MIPOL1: variants seen among roughly 807,000 people sequenced by gnomAD.
The protein encoded by MIPOL1 is mirror-image polydactyly gene 1 protein.
MIPOL1 carries 57 observed loss-of-function variants against 60.9 expected under a neutral mutation model. The ratio of observed to expected loss-of-function variants is 0.94; its 90% CI spans 0.76 to 1.17. The LOEUF (loss-of-function observed/expected upper bound fraction) is 1.17. Ranked by LOEUF, MIPOL1 falls within the 50% of genes most tolerant of loss-of-function variation. The pLI, the probability that MIPOL1 is intolerant of heterozygous loss-of-function variation, is 0.00. For missense variants in MIPOL1, 551 were observed against 511.6 expected (o/e 1.08, Z -0.74); for synonymous variants, 179 against 168.8 (o/e 1.06, Z -0.47).
chr14:37,259,045 A>G (rs530698839), intron 3 of MIPOL1, among the ~76,000 whole-genome samples: 1 of 152,270 alleles, frequency 6.6e-6, no homozygotes, highest in South Asian at 2.1e-4. Flanking sequence ...GTTTATCTAA[A>G]TATAACCATG....
intron 1 of MIPOL1, chr14:37,227,739 G>T (rs1316308686): frequency 6.6e-6 from 1 of 152,176 alleles, no homozygotes; most frequent in African/African-American, 2.4e-5. Context: ...TTGGCTTAGA[G>T]ATTAAAGCTC....
chr14:37,546,974 GA>G lies in MIPOL1; in HGVS notation c.*11del. Reference sequence around the variant, plus strand: ...GGACCATGAGGACAGTGATCTGATTGAAAAAAAACGACAGTCTGGGGAAGCG... The same window carrying G: ...GGACCATGAGGACAGTGATCTGATTGAAAAAAACGACAGTCTGGGGAAGCG... On this transcript the variant is annotated 3_prime_UTR_variant, in exon 13 of 13. Coordinates refer to ENST00000684589, the MANE Select transcript of MIPOL1 (RefSeq NM_001388067.1). 5.4e-6 allele frequency: 8 copies of G among 1,480,500 alleles called. No individual in the cohort carries two copies. The highest frequency in any genetic ancestry group is 7.4e-6 in the Non-Finnish European group (8 of 1,082,756). The allele number at this position is 1,480,500 out of a possible 1,614,324, so 91.7% of individuals were successfully genotyped here.
intron 6 of MIPOL1, among the ~76,000 whole-genome samples, chr14:37,272,844 A>G (rs1357652815): frequency 6.6e-6 from 1 of 151,594 alleles, no homozygotes; most frequent in East Asian, 1.9e-4. Flanking sequence ...AGATCAAACC[A>G]TTTCACAATA....
chr14:37,264,485 TG>T (rs2153382359), intron 3 of MIPOL1, among the ~76,000 whole-genome samples: 2 of 150,594 alleles, frequency 1.3e-5, no homozygotes, highest in Non-Finnish European at 3.0e-5. Context: ...TAGTGAGGCA[TG>T]GCAACACAGC....
chr14:37,533,533 T>C (rs1251979033), intron 12 of MIPOL1, among the ~76,000 whole-genome samples: 1 of 152,216 alleles, frequency 6.6e-6, no homozygotes, highest in African/African-American at 2.4e-5. Flanking sequence ...GAAATCAAGA[T>C]ACTCTATAAG....
chr14:37,531,082 T>G (rs1391574418), intron 12 of MIPOL1, among the ~76,000 whole-genome samples: 1 of 152,122 alleles, frequency 6.6e-6, no homozygotes. Context: ...CCCCACAAAG[T>G]GCTGGGATTA....
intron 12 of MIPOL1, among the ~76,000 whole-genome samples, chr14:37,539,215 TA>T (rs1253170799): frequency 6.6e-6 from 1 of 150,560 alleles, no homozygotes; most frequent in East Asian, 2.0e-4. Flanking sequence ...AAAAATAAAA[TA>T]AAAAAAGAAC....
intron 12 of MIPOL1, among the ~76,000 whole-genome samples, chr14:37,518,212 T>C (rs1388103138): frequency 6.6e-6 from 1 of 152,204 alleles, no homozygotes; most frequent in Non-Finnish European, 1.5e-5. Context: ...ATTTTATGTA[T>C]ATTGTTGGAT....
At chr14:37,383,060 T>C (rs1407699990) in intron 10 of MIPOL1, among the ~76,000 whole-genome samples, 4 of 151,882 alleles carry the variant, frequency 2.6e-5, no homozygotes, top group Non-Finnish European at 4.4e-5. Context: ...TTTTGATAAC[T>C]TACAGCCTTT....
chr14:37,409,311 T>A (rs1192263002), intron 10 of MIPOL1, among the ~76,000 whole-genome samples: 1 of 152,160 alleles, frequency 6.6e-6, no homozygotes, highest in Non-Finnish European at 1.5e-5. Flanking sequence ...ATGAAATGCT[T>A]AAATGATATT....
rs2083066855 is a variant in MIPOL1 at position 37,268,729 on chromosome 14, A to G, written c.323A>G (p.Asp108Gly). ...CCTTGTCAAGTTACTTCAGACTCAG[A>G]TAAAGAGAAGACAATAGCATTTCTT... Reference protein sequence around the residue: ...MTPCQVTSDSDKEKTIAFLLK... With the variant: ...MTPCQVTSDSGKEKTIAFLLK... The change falls in exon 5 of 13, where the codon GAT becomes GGT. Residue 108 changes from aspartate (D) to glycine (G), a missense_variant. By Grantham distance (94) the Asp-to-Gly change is moderately conservative. Transcript: ENST00000684589. The G allele has an allele frequency of 1.3e-6, 2 of 1,599,646 alleles. No individual in the cohort carries two copies. Among genetic ancestry groups the G allele is most frequent in the African/African-American group, 1.3e-5 (1 of 74,390 alleles).
chr14:37,290,911 T>C (rs2084998176), intron 7 of MIPOL1, among the ~76,000 whole-genome samples: 1 of 152,134 alleles, frequency 6.6e-6, no homozygotes, highest in African/African-American at 2.4e-5. Flanking sequence ...CCACAGTATG[T>C]GTCCATGTGT....
At chr14:37,220,705 TA>T (rs770739729) in intron 1 of MIPOL1, among the ~76,000 whole-genome samples, 6 of 152,248 alleles carry the variant, frequency 3.9e-5, no homozygotes, top group Non-Finnish European at 7.3e-5. Flanking sequence ...TCTTAATTTC[TA>T]TTGTCTTTAT....
chr14:37,348,507 G>A (rs996177239), intron 9 of MIPOL1, among the ~76,000 whole-genome samples: 23 of 151,906 alleles, frequency 1.5e-4, no homozygotes, highest in African/African-American at 5.1e-4. Flanking sequence ...AAACACACTA[G>A]TATTAATATT....
At chr14:37,375,024 T>A (rs2092736574) in intron 10 of MIPOL1, among the ~76,000 whole-genome samples, 1 of 152,106 alleles carries the variant, frequency 6.6e-6, no homozygotes, top group Non-Finnish European at 1.5e-5. Context: ...GCATGGAATG[T>A]TTTTCCATTT....
At chr14:37,410,463 A>G (rs1325799734) in intron 10 of MIPOL1, among the ~76,000 whole-genome samples, 2 of 152,176 alleles carry the variant, frequency 1.3e-5, no homozygotes, top group Admixed American at 6.5e-5. Context: ...TCAGACAACT[A>G]AAAACTGAAT....
chr14:37,429,723 T>G (rs954186843), intron 11 of MIPOL1, among the ~76,000 whole-genome samples: 5 of 152,094 alleles, frequency 3.3e-5, no homozygotes, highest in African/African-American at 4.8e-5. Context: ...ATTACTTTAG[T>G]AAATTTTATT....
At chr14:37,323,312 T>A (rs1186922083) in intron 9 of MIPOL1, among the ~76,000 whole-genome samples, 2 of 152,140 alleles carry the variant, frequency 1.3e-5, no homozygotes, top group African/African-American at 4.8e-5. Flanking sequence ...TTCTGAGGCC[T>A]CTGTTATGTT....
At chr14:37,314,240 G>C (rs959462286) in intron 9 of MIPOL1, among the ~76,000 whole-genome samples, 11 of 152,066 alleles carry the variant, frequency 7.2e-5, no homozygotes, top group African/African-American at 2.4e-4. Flanking sequence ...GAAAAGTACA[G>C]ATCCAGAGAT....
Sources: allele counts gnomAD v4.1 joint callset (sites outside exome capture counted in the v4.1 genomes callset), GRCh38; gene constraint gnomAD v4.1.1; transcripts MANE v1.5; gene names NCBI Gene and HGNC (gene_info 2026-07-23, HGNC 2026-07-21).